Variants in ALDH1A1 observed in about 807,000 individuals in gnomAD.
ALDH1A1 encodes aldehyde dehydrogenase 1A1.
A neutral mutation model predicts 62.1 loss-of-function variants in ALDH1A1; 19 were observed. The observed-to-expected ratio is 0.31, with a 90% CI of 0.21 to 0.45. The LOEUF is 0.45. Among genes scored for constraint, ALDH1A1 ranks in the 20% least tolerant of loss-of-function variants. The pLI, the probability that ALDH1A1 is intolerant of heterozygous loss-of-function variation, is 1.00. For missense variants in ALDH1A1, 521 were observed against 607.1 expected (o/e 0.86, Z 1.49); for synonymous variants, 231 against 215.9 (o/e 1.07, Z -0.61).
Position 72,901,136 on chromosome 9 carries a change from A to G in ALDH1A1, c.*72T>C, listed in dbSNP as rs186712273. On this transcript the variant is annotated 3_prime_UTR_variant, in exon 13 of 13. Coordinates refer to ENST00000297785, the MANE Select transcript of ALDH1A1 (RefSeq NM_000689.5). ...CAAGAAAAGAAAAATTTTGTCTTTAAAATCTACTATATTAGTGACTGTAAG... is the reference window on the plus strand; with the variant it reads ...CAAGAAAAGAAAAATTTTGTCTTTAGAATCTACTATATTAGTGACTGTAAG... 2.5e-6 allele frequency: 3 copies of G among 1,211,334 alleles called. No individual in the cohort carries two copies. The highest frequency in any genetic ancestry group is 2.8e-5 in the South Asian group (2 of 71,736). The allele number at this position is 1,211,334 out of a possible 1,614,324, so 75.0% of individuals were successfully genotyped here. A position where few individuals can be genotyped will look rare whatever the true frequency, so the allele number is the denominator to read the frequency against.
rs373890622 is a variant in ALDH1A1 at position 72,902,853 on chromosome 9, C to A, written c.1434-1573G>T. Among the ~76,000 whole-genome samples the A allele has an allele frequency of 1.7e-4, 26 of 151,958 alleles. No individual in the cohort carries two copies. The South Asian group carries it at 5.4e-3, about 32-fold the overall frequency. ...TCTTCAATGTACAAATCACCTGGGA[C>A]CTTATTCAAATACTGATTCTGAATT... On this transcript the variant is annotated intron_variant, in intron 12 of 12. Transcript: ENST00000297785.
intron 9 of ALDH1A1, among the ~76,000 whole-genome samples, chr9:72,916,265 G>A (rs1485109743): frequency 1.3e-5 from 2 of 152,150 alleles, no homozygotes; most frequent in Non-Finnish European, 2.9e-5. Flanking sequence ...CACAACCAAA[G>A]ATCCAGAAGC....
At chr9:72,918,017 T>C (rs1294682551) in intron 8 of ALDH1A1, among the ~76,000 whole-genome samples, 1 of 152,198 alleles carries the variant, frequency 6.6e-6, no homozygotes, top group Non-Finnish European at 1.5e-5. Flanking sequence ...AACAGCAACA[T>C]AGGCTAATTC....
In ALDH1A1 at chr9:72,924,034, G is replaced by T. The variant is rs775859657; in HGVS notation, c.732C>A (p.Phe244Leu). Reference protein sequence around the residue: ...SSHMDIDKVAFTGSTEVGKLI... With the variant: ...SSHMDIDKVALTGSTEVGKLI... The stretch of plus-strand genomic sequence containing the variant: ...ATAATATTACCTCTGTTGATCCTGT[G>T]AAGGCTACTTTGTCTATATCCATGT... The change falls in exon 7 of 13, where the codon TTC becomes TTA. Residue 244 changes from phenylalanine (F) to leucine (L), a missense_variant. Physicochemically the swap from Phe to Leu is conservative, Grantham distance 22. Transcript: ENST00000297785. 1 of 1,605,562 alleles carries T rather than the reference G, an allele frequency of 6.2e-7. No homozygotes were observed. The highest frequency in any genetic ancestry group is 8.5e-7 in the Non-Finnish European group (1 of 1,176,440).
Position 72,916,979 on chromosome 9 carries a change from G to A in ALDH1A1, c.976C>T (p.Arg326Trp), listed in dbSNP as rs780044537. The change falls in exon 9 of 13, where the codon CGG (arginine) becomes TGG (tryptophan). Residue 326 changes from arginine to tryptophan, a missense_variant. Arg to Trp is a moderately radical substitution (Grantham distance 101, BLOSUM62 -3). Transcript: ENST00000297785. ...YDEFVRRSVE[R>W]AKKYILGNPL... ...TTTCCAAGGATATACTTCTTAGCCC[G>A]CTCAACACTCCTTCGAACAAACTCA... 1.5e-5 allele frequency: 24 copies of A among 1,613,452 alleles called. No individual in the cohort carries two copies. The highest frequency in any genetic ancestry group is 6.7e-5 in the Admixed American group (4 of 59,944).
chr9:72,949,719 CT>C (rs765788786), intron 1 of ALDH1A1, among the ~76,000 whole-genome samples: 1 of 150,144 alleles, frequency 6.7e-6, no homozygotes, highest in Non-Finnish European at 1.5e-5. Context: ...TGATGAAGGT[CT>C]TTTGTAGCAT....
chr9:72,920,213 G>A (rs970535305), intron 7 of ALDH1A1, among the ~76,000 whole-genome samples: 1 of 152,016 alleles, frequency 6.6e-6, no homozygotes, highest in African/African-American at 2.4e-5. Context: ...ACAGAATAGG[G>A]CATTAATATG....
At chr9:72,907,224 T>C (rs187086606) in intron 11 of ALDH1A1, among the ~76,000 whole-genome samples, 77 of 152,318 alleles carry the variant, frequency 5.1e-4, no homozygotes, top group African/African-American at 1.8e-3. Context: ...AAGGCAGTAT[T>C]GTCTCAGCTT....
At chr9:72,941,385 A>G (rs369903633) in intron 1 of ALDH1A1, among the ~76,000 whole-genome samples, 42 of 152,320 alleles carry the variant, frequency 2.8e-4, no homozygotes, top group African/African-American at 9.9e-4. Flanking sequence ...ATTCTATCAG[A>G]GTAATAAAAT....
chr9:72,938,692 G>C (rs1485029449), intron 2 of ALDH1A1, among the ~76,000 whole-genome samples: 1 of 151,650 alleles, frequency 6.6e-6, no homozygotes, highest in South Asian at 2.1e-4. Context: ...TGATCTGCCC[G>C]CCTCAGCCTC....
At chr9:72,910,082 G>T (rs1829963631) in intron 10 of ALDH1A1, among the ~76,000 whole-genome samples, 1 of 152,014 alleles carries the variant, frequency 6.6e-6, no homozygotes, top group Admixed American at 6.6e-5. Flanking sequence ...TTTCACTTGG[G>T]AATATTTTAA....
intron 2 of ALDH1A1, among the ~76,000 whole-genome samples, chr9:72,934,286 C>T (rs1370499613): frequency 6.6e-6 from 1 of 152,140 alleles, no homozygotes; most frequent in Non-Finnish European, 1.5e-5. Context: ...CTGCTCTGAA[C>T]AATTTTAGGC....
chr9:72,952,595 A>G (rs1258814360), intron 1 of ALDH1A1, among the ~76,000 whole-genome samples: 4 of 151,896 alleles, frequency 2.6e-5, no homozygotes, highest in Non-Finnish European at 4.4e-5. Context: ...AAGCTTCTCT[A>G]GTGAGTATTT....
chr9:72,936,339 T>A (rs932761555), intron 2 of ALDH1A1, among the ~76,000 whole-genome samples: 1 of 152,170 alleles, frequency 6.6e-6, no homozygotes, highest in Admixed American at 6.5e-5. Flanking sequence ...GTTTTCCTAA[T>A]AAAATTAATC....
At chr9:72,912,966 A>G (rs932608627) in intron 9 of ALDH1A1, among the ~76,000 whole-genome samples, 10 of 152,136 alleles carry the variant, frequency 6.6e-5, no homozygotes, top group African/African-American at 2.4e-4. Context: ...TTGGATTCCA[A>G]GTAACCGGTG....
chr9:72,908,607 GAAAGAAAGAAAGAAAGA>G (rs1456993341), intron 11 of ALDH1A1, among the ~76,000 whole-genome samples: 13 of 138,166 alleles, frequency 9.4e-5, no homozygotes, highest in Non-Finnish European at 9.6e-5. Flanking sequence ...AAGAAAGAAA[GAAAGAAAGAAAGAAAGA>G]AAGAGAATAT....
Position 72,930,898 on chromosome 9 carries a change from C to G in ALDH1A1, c.293G>C (p.Arg98Thr), listed in dbSNP as rs1830272483. Residue 98 changes from arginine (R) to threonine (T), a missense_variant, in exon 3 of 13, where the codon AGA becomes ACA. Physicochemically the swap from Arg to Thr is moderately conservative, Grantham distance 71. Coordinates refer to ENST00000297785, the MANE Select transcript of ALDH1A1 (RefSeq NM_000689.5). ...LLYKLADLIE[R>T]DRLLLATMES... ...ACTCACCGCCAGCAGCAGACGATCT[C>G]TTTCGATTAAATCAGCCAACTTGTA... The G allele has an allele frequency of 6.2e-7, 1 of 1,614,060 alleles. No individual in the cohort carries two copies. The highest frequency in any genetic ancestry group is 1.1e-5 in the South Asian group (1 of 91,072).
intron 1 of ALDH1A1, among the ~76,000 whole-genome samples, chr9:72,947,998 A>G (rs1042172266): frequency 2.6e-5 from 4 of 151,976 alleles, no homozygotes; most frequent in Non-Finnish European, 5.9e-5. Flanking sequence ...GAAAGGACTA[A>G]GTAGTTAATA....
chr9:72,911,823 C>A (rs1829994078), intron 10 of ALDH1A1, 135 bp downstream of exon 10: 13 of 1,052,756 alleles, frequency 1.2e-5, no homozygotes, highest in Admixed American at 2.5e-5. Context: ...AAACCTCTAT[C>A]AAGAACAGAA....
Sources: allele counts gnomAD v4.1 joint callset (sites outside exome capture counted in the v4.1 genomes callset), GRCh38; gene constraint gnomAD v4.1.1; transcripts MANE v1.5; gene names NCBI Gene and HGNC (gene_info 2026-07-23, HGNC 2026-07-21).